IL16: variants seen among roughly 807,000 people sequenced by gnomAD.
IL16 encodes interleukin 16, also known as pro-interleukin-16.
Under a neutral mutation model 110.1 loss-of-function variants are expected in IL16, and 67 were observed. That is an observed-to-expected ratio of 0.61 (90% CI 0.50 to 0.75). The LOEUF is 0.75. Among genes scored for constraint, IL16 ranks in the 30% least tolerant of loss-of-function variants. The probability of loss-of-function intolerance (pLI) is 0.00; values close to 1 mark genes in which losing one functional copy is unlikely to be tolerated. For synonymous variants in IL16, 689 were observed against 662.9 expected (o/e 1.04, Z -0.61); for missense variants, 1,545 against 1,655.0 (o/e 0.93, Z 1.15).
At chr15:81,240,159 A>G (rs1897298803) in intron 2 of IL16, among the ~76,000 whole-genome samples, 1 of 152,092 alleles carries the variant, frequency 6.6e-6, no homozygotes, top group South Asian at 2.1e-4. Context: ...GAATTCATTC[A>G]TATTATTTCA....
intron 2 of IL16, among the ~76,000 whole-genome samples, chr15:81,233,072 A>G (rs1897063942): frequency 1.3e-5 from 2 of 152,104 alleles, no homozygotes; most frequent in Admixed American, 1.3e-4. Flanking sequence ...ACTTCTTTTG[A>G]TATCAGTTTT....
At chr15:81,217,381 A>G (rs915101341) in intron 1 of IL16, among the ~76,000 whole-genome samples, 1 of 152,264 alleles carries the variant, frequency 6.6e-6, no homozygotes, top group African/African-American at 2.4e-5. Context: ...TTTAAAAATT[A>G]AAATAGACCA....
chr15:81,217,634 T>C (rs1335819537), intron 1 of IL16, among the ~76,000 whole-genome samples: 2 of 152,148 alleles, frequency 1.3e-5, no homozygotes, highest in Non-Finnish European at 2.9e-5. Flanking sequence ...CTAAATAAAA[T>C]GTTAGCAAAC....
intron 2 of IL16, among the ~76,000 whole-genome samples, chr15:81,254,281 G>A (rs1333986254): frequency 2.2e-5 from 2 of 90,020 alleles, no homozygotes; most frequent in Non-Finnish European, 4.6e-5. Flanking sequence ...CAGAGCAATG[G>A]AATTGTCATG....
At chr15:81,295,713 C>G (rs1416929091) in intron 12 of IL16, among the ~76,000 whole-genome samples, 2 of 152,194 alleles carry the variant, frequency 1.3e-5, no homozygotes, top group African/African-American at 2.4e-5. Flanking sequence ...AAGCTCAGTT[C>G]TACAGTAGGG....
In IL16 at chr15:81,225,384, C is replaced by T; in HGVS notation, c.-16C>T. 6.2e-7 allele frequency: 1 copy of T among 1,612,502 alleles called. No homozygotes were observed. The highest frequency in any genetic ancestry group is 2.2e-5 in the East Asian group (1 of 44,804). ...ACCAGGAAAGGAAGAAAGGCAGCTT[C>T]ACTTCCTCTTTGAGGATGGAGTCGC... On this transcript the variant is annotated 5_prime_UTR_variant, in exon 2 of 19. Transcript: ENST00000683961.
At chr15:81,250,489 T>C (rs2142143669) in intron 2 of IL16, among the ~76,000 whole-genome samples, 1 of 152,340 alleles carries the variant, frequency 6.6e-6, no homozygotes, top group South Asian at 2.1e-4. Flanking sequence ...GGACCTTGTT[T>C]CAATGTGTGT....
rs1900709157 is a variant in IL16, at chr15:81,308,867, A to C, written c.*69A>C. 2.1e-4 allele frequency: 280 copies of C among 1,360,894 alleles called. No individual in the cohort carries two copies. The highest frequency in any genetic ancestry group is 2.7e-4 in the Middle Eastern group (1 of 3,742). The allele number at this position is 1,360,894 out of a possible 1,614,324, so 84.3% of individuals were successfully genotyped here. On this transcript the variant is annotated 3_prime_UTR_variant, in exon 19 of 19. Coordinates refer to ENST00000683961, the MANE Select transcript of IL16 (RefSeq NM_172217.5). ...ACAGCTCCCATAACCGCTGATTCTC[A>C]GGGTCTCTGCTGCCGCCCCACCCAG...
intron 2 of IL16, among the ~76,000 whole-genome samples, chr15:81,230,209 CA>C (rs1896923958): frequency 6.6e-6 from 1 of 152,128 alleles, no homozygotes. Flanking sequence ...AGTTAATAAA[CA>C]AAAGCAAATA....
chr15:81,291,178 A>T (rs563664789), intron 11 of IL16, among the ~76,000 whole-genome samples: 6 of 152,356 alleles, frequency 3.9e-5, no homozygotes, highest in African/African-American at 1.4e-4. Context: ...ACAACATGCA[A>T]CCATTGGCAC....
intron 12 of IL16, chr15:81,295,345 A>AGT: frequency 8.6e-7 from 1 of 1,164,964 alleles, no homozygotes; most frequent in Non-Finnish European, 1.1e-6. Context: ...CTAATTCTGA[A>AGT]GTCTCCCATG....
intron 1 of IL16, among the ~76,000 whole-genome samples, chr15:81,198,945 G>A (rs796656808): frequency 2.7e-5 from 4 of 147,710 alleles, no homozygotes; most frequent in African/African-American, 5.0e-5. Flanking sequence ...GCTTGAACCC[G>A]GGAGGCGGAG....
At chr15:81,220,745 C>G (rs1158566477) in intron 1 of IL16, among the ~76,000 whole-genome samples, 1 of 149,132 alleles carries the variant, frequency 6.7e-6, no homozygotes, top group East Asian at 2.0e-4. Flanking sequence ...GTTAGCTTTG[C>G]CTAGCACAAA....
chr15:81,292,125 A>G (rs1448283767), intron 11 of IL16: 10 of 365,354 alleles, frequency 2.7e-5, no homozygotes, highest in Non-Finnish European at 4.4e-5. Context: ...GAGTTGTCCT[A>G]TGTTGGCCAA....
intron 1 of IL16, among the ~76,000 whole-genome samples, chr15:81,185,183 A>T (rs1389325081): frequency 6.6e-6 from 1 of 152,016 alleles, no homozygotes; most frequent in Non-Finnish European, 1.5e-5. Flanking sequence ...ACCACATGAC[A>T]CACTGCCATA....
At chr15:81,247,246 G>A (rs1567017064) in intron 2 of IL16, among the ~76,000 whole-genome samples, 1 of 151,578 alleles carries the variant, frequency 6.6e-6, no homozygotes, top group East Asian at 1.9e-4. Context: ...TTTCTTTGAT[G>A]ATTAGCCCAT....
intron 5 of IL16, among the ~76,000 whole-genome samples, chr15:81,271,283 AAAAT>A (rs1898625456): frequency 6.7e-6 from 1 of 150,184 alleles, no homozygotes; most frequent in African/African-American, 2.4e-5. Context: ...TAAATTAAAT[AAAAT>A]AAAATAATAA....
rs57484982 is a variant in IL16, at chr15:81,247,076, CTTTTTTTTTT to C, written c.313-12685_313-12676del. Among the ~76,000 whole-genome samples, 40 of 92,618 alleles carry C rather than the reference CTTTTTTTTTT, an allele frequency of 4.3e-4. 1 individual carries two copies. The highest frequency in any genetic ancestry group is 2.2e-3 in the Admixed American group (21 of 9,458). The allele number at this position is 92,618 out of a possible 152,430, so 60.8% of individuals were successfully genotyped here. On this transcript the variant is annotated intron_variant, in intron 2 of 18. Coordinates refer to ENST00000683961, the MANE Select transcript of IL16 (RefSeq NM_172217.5). ...TTTGTGTTTTCTTTCTTTTCTTTTC[CTTTTTTTTTT>C]TTTTTTTTTTGATCTTGAGTGACCT...
intron 1 of IL16, among the ~76,000 whole-genome samples, chr15:81,191,412 A>G (rs372734281): frequency 1.3e-5 from 2 of 152,202 alleles, no homozygotes; most frequent in East Asian, 1.9e-4. Context: ...AAATGTAGAA[A>G]CTCATTACAT....
Sources: allele counts gnomAD v4.1 joint callset (sites outside exome capture counted in the v4.1 genomes callset), GRCh38; gene constraint gnomAD v4.1.1; transcripts MANE v1.5; gene names NCBI Gene and HGNC (gene_info 2026-07-23, HGNC 2026-07-21).